Variants in FNDC3B observed in about 807,000 individuals in gnomAD.
FNDC3B encodes the protein fibronectin type III domain-containing protein 3B.
Under a neutral mutation model 151.5 loss-of-function variants are expected in FNDC3B, and 12 were observed. The observed-to-expected ratio is 0.08, with a 90% CI of 0.05 to 0.13. The LOEUF (loss-of-function observed/expected upper bound fraction) is 0.13. Ranked by LOEUF, FNDC3B falls within the 10% of genes least tolerant of loss-of-function variation. The probability of loss-of-function intolerance (pLI) is 1.00; values close to 1 mark genes in which losing one functional copy is unlikely to be tolerated. For synonymous variants in FNDC3B, 528 were observed against 549.0 expected (o/e 0.96, Z 0.54); for missense variants, 1,214 against 1,505.3 (o/e 0.81, Z 3.20).
At chr3:172,309,438 C>T (rs1346091576) in intron 10 of FNDC3B, among the ~76,000 whole-genome samples, 1 of 152,168 alleles carries the variant, frequency 6.6e-6, no homozygotes, top group Non-Finnish European at 1.5e-5. Flanking sequence ...TACCAAAGAA[C>T]AGTTTTTTTT....
At chr3:172,099,923 G>T (rs374791152) in intron 1 of FNDC3B, among the ~76,000 whole-genome samples, 22,614 of 151,986 alleles carry the variant, frequency 0.15, 2,188 homozygotes, top group Admixed American at 0.23. Context: ...TCGTCTGGGA[G>T]ACCCTTGGGT....
At chr3:172,395,878 G>A (rs961570986) in intron 25 of FNDC3B, among the ~76,000 whole-genome samples, 4 of 152,146 alleles carry the variant, frequency 2.6e-5, no homozygotes, top group African/African-American at 7.2e-5. Flanking sequence ...GGTACCATTC[G>A]CACCCTCTAG....
At chr3:172,308,080 A>G in intron 10 of FNDC3B, among the ~76,000 whole-genome samples, 1 of 152,216 alleles carries the variant, frequency 6.6e-6, no homozygotes, top group East Asian at 1.9e-4. Context: ...CAGTGGTGAT[A>G]CTGAAATGTT....
At chr3:172,070,290 A>AGCCCC (rs1560393115) in intron 1 of FNDC3B, among the ~76,000 whole-genome samples, 1 of 152,196 alleles carries the variant, frequency 6.6e-6, no homozygotes, top group Non-Finnish European at 1.5e-5. Flanking sequence ...ATCTGTCAAT[A>AGCCCC]GAGTGCAACC....
chr3:172,388,587 G>A (rs1051064758), intron 25 of FNDC3B, among the ~76,000 whole-genome samples: 1 of 152,246 alleles, frequency 6.6e-6, no homozygotes, highest in African/African-American at 2.4e-5. Context: ...CTGCTGCCCT[G>A]ATGCGCAGAG....
Position 172,206,865 on chromosome 3 carries a change from TAA to T in FNDC3B, c.188-20003_188-20002del, listed in dbSNP as rs569312685. 3.5e-3 allele frequency among the ~76,000 whole-genome samples: 535 copies of T among 152,322 alleles called. 3 individuals carry two copies. Among genetic ancestry groups the T allele is most frequent in the African/African-American group, 0.012 (508 of 41,574 alleles). ...ATGTTTTAGTATATTGGGTTTGCTA[TAA>T]AACTAAAGTTTATTCAGGTTTCTTC... On this transcript the variant is annotated intron_variant, in intron 3 of 25. Coordinates refer to ENST00000415807, the MANE Select transcript of FNDC3B (RefSeq NM_022763.4).
chr3:172,155,893 G>T (rs184287316), intron 3 of FNDC3B, among the ~76,000 whole-genome samples: 6 of 152,314 alleles, frequency 3.9e-5, no homozygotes, highest in Admixed American at 3.9e-4. Flanking sequence ...TCCGGGACTA[G>T]AAGGGGAGAA....
intron 19 of FNDC3B, 99 bp from the exon 20 acceptor site, chr3:172,346,228 G>C: frequency 5.3e-6 from 3 of 569,188 alleles, no homozygotes; most frequent in Non-Finnish European, 9.3e-6. Flanking sequence ...GATGATGTTA[G>C]CCTAGCTTTT....
intron 2 of FNDC3B, among the ~76,000 whole-genome samples, chr3:172,124,311 G>T (rs947113199): frequency 6.6e-6 from 1 of 152,184 alleles, no homozygotes; most frequent in Non-Finnish European, 1.5e-5. Flanking sequence ...GTCTGGTCTC[G>T]AAGTCCCAGC....
chr3:172,303,151 T>C (rs1731017394), intron 9 of FNDC3B: 1 of 152,160 alleles, frequency 6.6e-6, no homozygotes, highest in Admixed American at 6.5e-5. Flanking sequence ...TGTCTTTTAA[T>C]TGGTAGTTCT....
chr3:172,347,728 A>T (rs1227771969), intron 21 of FNDC3B, among the ~76,000 whole-genome samples: 3 of 152,076 alleles, frequency 2.0e-5, no homozygotes, highest in African/African-American at 7.2e-5. Context: ...AGTGGGAAAG[A>T]CTCTTAGAAC....
chr3:172,364,620 G>A (rs1734521921), intron 23 of FNDC3B, among the ~76,000 whole-genome samples: 1 of 152,168 alleles, frequency 6.6e-6, no homozygotes, highest in South Asian at 2.1e-4. Context: ...TCTGATCCAA[G>A]GTTTTCCATG....
intron 3 of FNDC3B, among the ~76,000 whole-genome samples, chr3:172,216,074 G>A (rs1017458786): frequency 6.6e-6 from 1 of 152,150 alleles, no homozygotes; most frequent in African/African-American, 2.4e-5. Flanking sequence ...TGCCCTTCAT[G>A]TGCCAAAGAG....
Position 172,056,078 on chromosome 3 carries a change from G to T in FNDC3B, c.-29+16307G>T, listed in dbSNP as rs1259946872. Among the ~76,000 whole-genome samples, 4 of 152,290 alleles carry T rather than the reference G, an allele frequency of 2.6e-5. No homozygotes were observed. In the Middle Eastern group the frequency reaches 0.01, roughly 388 times the overall value. ...TTACAGGCGTGAGCCACTGCGCCCGGCCTGTTCCTAGTATGTTTCATGTGG... is the reference window on the plus strand; with the variant it reads ...TTACAGGCGTGAGCCACTGCGCCCGTCCTGTTCCTAGTATGTTTCATGTGG... On this transcript the variant is annotated intron_variant, in intron 1 of 25. Coordinates refer to ENST00000415807, the MANE Select transcript of FNDC3B (RefSeq NM_022763.4).
In FNDC3B at chr3:172,297,753, C is replaced by T. The variant is rs763101836; in HGVS notation, c.1002-975C>T. ...CCTCCCAAAGTGCTCGGATAACAGG[C>T]GTGAGCCACCGCGCCCGGCCTTTTT... On this transcript the variant is annotated intron_variant, in intron 8 of 25. Transcript: ENST00000415807. Among the ~76,000 whole-genome samples the T allele has an allele frequency of 1.1e-3, 165 of 143,588 alleles. 1 individual carries two copies. Among genetic ancestry groups the T allele is most frequent in the South Asian group, 1.6e-3 (7 of 4,328 alleles). The allele number at this position is 143,588 out of a possible 152,430, so 94.2% of individuals were successfully genotyped here.
At chr3:172,162,774 G>A (rs1722842195) in intron 3 of FNDC3B, among the ~76,000 whole-genome samples, 1 of 151,762 alleles carries the variant, frequency 6.6e-6, no homozygotes, top group South Asian at 2.1e-4. Context: ...AGTAGGGTAT[G>A]GTTAGCTATG....
intron 7 of FNDC3B, among the ~76,000 whole-genome samples, chr3:172,289,810 A>G (rs1187892898): frequency 1.3e-5 from 2 of 152,218 alleles, no homozygotes; most frequent in African/African-American, 2.4e-5. Context: ...GTGCTTTGCA[A>G]TCTGGCACTC....
chr3:172,336,220 GA>G (rs1732956908), intron 15 of FNDC3B, among the ~76,000 whole-genome samples: 1 of 152,134 alleles, frequency 6.6e-6, no homozygotes, highest in African/African-American at 2.4e-5. Flanking sequence ...AGATTTTTTA[GA>G]AAAATCTCCG....
At position 172,199,934 on chromosome 3, in the gene FNDC3B, C is replaced by T. The variant is rs115572083; in HGVS notation, c.188-26937C>T. Among the ~76,000 whole-genome samples the T allele has an allele frequency of 4.7e-3, 716 of 152,318 alleles. 3 individuals are homozygous for T. Among genetic ancestry groups the T allele is most frequent in the African/African-American group, 0.016 (676 of 41,558 alleles). ...CAATAAATATGGTGGGTTCTCTGCGCGCTTTTGTGTTTCGTGCATTTGTAT... is the reference window on the plus strand; with the variant it reads ...CAATAAATATGGTGGGTTCTCTGCGTGCTTTTGTGTTTCGTGCATTTGTAT... On this transcript the variant is annotated intron_variant, in intron 3 of 25. Coordinates refer to ENST00000415807, the MANE Select transcript of FNDC3B (RefSeq NM_022763.4).
Sources: gnomAD v4.1 joint callset for allele counts (sites outside exome capture counted in the v4.1 genomes callset) on GRCh38, gnomAD v4.1.1 for gene constraint, MANE v1.5 for transcripts, NCBI Gene and HGNC (gene_info 2026-07-23, HGNC 2026-07-21) for gene names.